Variants in DCC observed in about 807,000 individuals in gnomAD.
The protein encoded by DCC is DCC netrin 1 receptor, also known as netrin receptor DCC.
A neutral mutation model predicts 172.5 loss-of-function variants in DCC; 58 were observed. That is an observed-to-expected ratio of 0.34 (90% CI 0.27 to 0.42). DCC has a LOEUF of 0.42. Ranked by LOEUF, DCC falls within the 10% of genes least tolerant of loss-of-function variation. The probability of loss-of-function intolerance (pLI) is 1.00; values close to 1 mark genes in which losing one functional copy is unlikely to be tolerated. For missense variants in DCC, 1,740 were observed against 1,791.0 expected, an observed-to-expected ratio of 0.97 and a Z score of 0.51; for synonymous variants, 709 against 644.5, an observed-to-expected ratio of 1.10 and a Z score of -1.52.
chr18:53,257,122 T>A (rs577785298), intron 12 of DCC, among the ~76,000 whole-genome samples: 2 of 152,324 alleles, frequency 1.3e-5, no homozygotes, highest in East Asian at 3.9e-4. Context: ...GCTGAGACAA[T>A]GGGGTTTTCT....
At chr18:53,428,106 AATATAATAATATATAATATATAAT>A (rs1196762432) in intron 21 of DCC, among the ~76,000 whole-genome samples, 9,779 of 25,356 alleles carry the variant, frequency 0.39, 2,901 homozygotes, top group African/African-American at 0.59. Flanking sequence ...TATATAATAT[AATATAATAATATATAATATATAAT>A]ATAATATAAT....
At chr18:52,397,305 T>A (rs771630321) in intron 1 of DCC, among the ~76,000 whole-genome samples, 16 of 152,178 alleles carry the variant, frequency 1.1e-4, no homozygotes, top group Middle Eastern at 3.4e-3. Flanking sequence ...GAGATCATAT[T>A]GAGAATCACT....
At chr18:53,151,538 A>G (rs995239164) in intron 7 of DCC, among the ~76,000 whole-genome samples, 1 of 152,214 alleles carries the variant, frequency 6.6e-6, no homozygotes, top group Admixed American at 6.5e-5. Flanking sequence ...TATGTGTGTG[A>G]GATAATGCAT....
intron 7 of DCC, among the ~76,000 whole-genome samples, chr18:53,124,029 G>A (rs1349352445): frequency 6.6e-6 from 1 of 152,050 alleles, no homozygotes; most frequent in African/African-American, 2.4e-5. Context: ...CATCCCTGAA[G>A]TGCCTTCCCT....
chr18:52,838,043 A>T (rs1302023280), intron 2 of DCC, among the ~76,000 whole-genome samples: 1 of 152,126 alleles, frequency 6.6e-6, no homozygotes, highest in East Asian at 1.9e-4. Flanking sequence ...AGGGTGGGGA[A>T]ACCACCCCCA....
intron 1 of DCC, among the ~76,000 whole-genome samples, chr18:52,565,593 G>A (rs2144748263): frequency 6.6e-6 from 1 of 152,268 alleles, no homozygotes; most frequent in South Asian, 2.1e-4. Context: ...AATGACGAGT[G>A]ATAATGAGCT....
chr18:52,365,080 T>C (rs1303684692), intron 1 of DCC, among the ~76,000 whole-genome samples: 2 of 152,058 alleles, frequency 1.3e-5, no homozygotes, highest in African/African-American at 4.8e-5. Flanking sequence ...AGTTGGAAAA[T>C]ATCTAGAGGT....
chr18:53,333,231 C>A (rs1368241379), intron 14 of DCC, among the ~76,000 whole-genome samples: 1 of 152,162 alleles, frequency 6.6e-6, no homozygotes, highest in Non-Finnish European at 1.5e-5. Flanking sequence ...GAAGTGATGT[C>A]CTTTGGTGAG....
intron 27 of DCC, among the ~76,000 whole-genome samples, chr18:53,517,666 G>A (rs1291996269): frequency 6.6e-6 from 1 of 152,024 alleles, no homozygotes; most frequent in Non-Finnish European, 1.5e-5. Flanking sequence ...GGAGCAGAGA[G>A]GGGAGCAGGG....
chr18:53,044,072 T>A (rs1195155158), intron 5 of DCC, among the ~76,000 whole-genome samples: 1 of 151,928 alleles, frequency 6.6e-6, no homozygotes, highest in East Asian at 1.9e-4. Context: ...AATATCCGGA[T>A]TATTGAAGAA....
chr18:53,425,506 C>A (rs540124041), intron 21 of DCC, among the ~76,000 whole-genome samples: 16 of 151,720 alleles, frequency 1.1e-4, no homozygotes, highest in African/African-American at 3.9e-4. Context: ...ATTACAGTCC[C>A]CTGCCCCACT....
intron 9 of DCC, among the ~76,000 whole-genome samples, chr18:53,190,244 A>C (rs145756870): frequency 1.2e-3 from 178 of 152,208 alleles, no homozygotes; most frequent in African/African-American, 3.7e-3. Context: ...GATTTTTAAC[A>C]CCTGTGGCCT....
At chr18:52,725,925 C>G (rs1265067467) in intron 1 of DCC, among the ~76,000 whole-genome samples, 1 of 152,164 alleles carries the variant, frequency 6.6e-6, no homozygotes, top group Non-Finnish European at 1.5e-5. Context: ...CACTCTTACA[C>G]TTTTCAAAAT....
intron 1 of DCC, among the ~76,000 whole-genome samples, chr18:52,694,489 T>C (rs2035979882): frequency 1.3e-5 from 2 of 152,170 alleles, no homozygotes; most frequent in East Asian, 3.9e-4. Flanking sequence ...TTCCACACTG[T>C]TCTATAACCC....
At chr18:52,563,246 T>G (rs2033081271) in intron 1 of DCC, among the ~76,000 whole-genome samples, 2 of 152,136 alleles carry the variant, frequency 1.3e-5, no homozygotes, top group Admixed American at 1.3e-4. Flanking sequence ...GACTTTTATT[T>G]TACAATAAAT....
intron 5 of DCC, among the ~76,000 whole-genome samples, chr18:53,004,726 T>G (rs572226887): frequency 2.6e-4 from 39 of 152,256 alleles, no homozygotes; most frequent in African/African-American, 9.4e-4. Flanking sequence ...TTTCTTGCCT[T>G]CCTTCCATTA....
intron 5 of DCC, among the ~76,000 whole-genome samples, chr18:53,046,317 T>G (rs955512501): frequency 2.0e-5 from 3 of 151,916 alleles, no homozygotes; most frequent in Non-Finnish European, 4.4e-5. Flanking sequence ...TATATTGTTT[T>G]AAGCAATGCA....
At chr18:52,790,599 C>G (rs28776175) in intron 2 of DCC, among the ~76,000 whole-genome samples, 1 of 152,072 alleles carries the variant, frequency 6.6e-6, no homozygotes, top group Non-Finnish European at 1.5e-5. Flanking sequence ...CCATTTTATA[C>G]CGTAAAAGAA....
At chr18:53,418,753 C>T (rs1910463101) in intron 21 of DCC, among the ~76,000 whole-genome samples, 1 of 152,120 alleles carries the variant, frequency 6.6e-6, no homozygotes, top group Admixed American at 6.6e-5. Context: ...CCATGAAGAA[C>T]ATAAATGTGA....
Sources: gnomAD v4.1 joint callset for allele counts (sites outside exome capture counted in the v4.1 genomes callset) on GRCh38, gnomAD v4.1.1 for gene constraint, MANE v1.5 for transcripts, NCBI Gene and HGNC (gene_info 2026-07-23, HGNC 2026-07-21) for gene names.